Variants in MLXIP observed in about 807,000 individuals in gnomAD.
MLXIP encodes the protein MLX-interacting protein.
In MLXIP, 30 loss-of-function variants were observed where a neutral mutation model predicts 87.2. The observed-to-expected ratio is 0.34, with a 90% CI of 0.26 to 0.47. The LOEUF (loss-of-function observed/expected upper bound fraction) is 0.47, where lower values mean the gene tolerates loss of function less well. Ranked by LOEUF, MLXIP falls within the 20% of genes least tolerant of loss-of-function variation. MLXIP has a pLI of 1.00. For synonymous variants in MLXIP, 530 were observed against 514.0 expected, an observed-to-expected ratio of 1.03 and a Z score of -0.42; for missense variants, 1,002 against 1,240.1, an observed-to-expected ratio of 0.81 and a Z score of 2.88.
At position 122,133,459 on chromosome 12, in the gene MLXIP, A is replaced by G. The variant is rs547345555; in HGVS notation, c.1204A>G (p.Thr402Ala). The G allele has an allele frequency of 6.2e-7, 1 of 1,610,964 alleles. No individual in the cohort carries two copies. The highest frequency in any genetic ancestry group is 8.5e-7 in the Non-Finnish European group (1 of 1,179,230). The change falls in exon 9 of 17, where the codon ACC becomes GCC. Residue 402 changes from threonine (T) to alanine (A), a missense_variant. Thr to Ala is a moderately conservative substitution (Grantham distance 58, BLOSUM62 0). This residue lies in a region of MLXIP where 746 missense variants were observed against 897.0 expected (regional missense o/e 0.83). Coordinates refer to ENST00000319080, the MANE Select transcript of MLXIP (RefSeq NM_014938.6). The surrounding 1 kb of genome is among the most constrained non-coding windows in gnomAD (Gnocchi z 4.9). The part of the protein sequence containing the change: ...AHMDEQGCEH[T>A]SRTEDPFIQP... ...CATGGATGAGCAGGGCTGTGAACACACCTCCCGGACTGAGGACCCGTTTAT... is the reference window on the plus strand; with the variant it reads ...CATGGATGAGCAGGGCTGTGAACACGCCTCCCGGACTGAGGACCCGTTTAT...
At chr12:122,129,549 G>A in intron 4 of MLXIP, 39 bp from the exon 5 acceptor site, 1 of 1,610,814 alleles carries the variant, frequency 6.2e-7, no homozygotes, top group Non-Finnish European at 8.5e-7. Flanking sequence ...CCCTCCTAGG[G>A]CCATTGGTGA....
chr12:122,097,185 G>C (rs1392074950), intron 1 of MLXIP, among the ~76,000 whole-genome samples: 1 of 151,866 alleles, frequency 6.6e-6, no homozygotes, highest in African/African-American at 2.4e-5. Flanking sequence ...TTTTTTGGGC[G>C]GACAGGGTCT....
rs1314257576 is a variant in MLXIP, at chr12:122,130,104, G to A, written c.902G>A (p.Arg301Gln). Reference sequence around the variant, plus strand: ...CAGCCGGTGGCCTGGCCCAATCCCCGGGAAATAGGTAACCCAAACCAGGGC... The same window carrying A: ...CAGCCGGTGGCCTGGCCCAATCCCCAGGAAATAGGTAACCCAAACCAGGGC... Reference protein sequence around the residue: ...SHQPVAWPNPREIAHLGNADM... With the variant: ...SHQPVAWPNPQEIAHLGNADM... The change falls in exon 6 of 17, where the codon CGG becomes CAG. Residue 301 changes from arginine (R) to glutamine (Q), a missense_variant. Around this residue, in one of 3 missense-constraint regions of MLXIP, gnomAD observed 746 missense variants for 897.0 expected, o/e 0.83. Transcript: ENST00000319080. 3.1e-6 allele frequency: 5 copies of A among 1,613,248 alleles called. No individual in the cohort carries two copies. Among genetic ancestry groups the A allele is most frequent in the Non-Finnish European group, 4.2e-6 (5 of 1,179,604 alleles).
chr12:122,128,063 C>G, intron 3 of MLXIP, 95 bp downstream of exon 3: 1 of 1,117,834 alleles, frequency 8.9e-7, no homozygotes, highest in Non-Finnish European at 1.3e-6. Flanking sequence ...GGAGAGGCTG[C>G]CGAGGGTAGT....
At chr12:122,094,039 CTGTG>C (rs1225859522) in intron 1 of MLXIP, among the ~76,000 whole-genome samples, 12 of 116,518 alleles carry the variant, frequency 1.0e-4, no homozygotes, top group East Asian at 2.9e-4. Context: ...TTTGCGCTAT[CTGTG>C]TGGTGTGTGT....
chr12:122,089,678 T>C (rs1463732307), intron 1 of MLXIP, among the ~76,000 whole-genome samples: 1 of 152,218 alleles, frequency 6.6e-6, no homozygotes, highest in Non-Finnish European at 1.5e-5. Context: ...GGACATTCCA[T>C]CACCTCAGTA....
At chr12:122,131,435 T>G (rs1254155887) in intron 7 of MLXIP, among the ~76,000 whole-genome samples, 1 of 147,846 alleles carries the variant, frequency 6.8e-6, no homozygotes, top group Non-Finnish European at 1.5e-5. Context: ...CTTGATTTGT[T>G]TGAGTCTTTT....
intron 1 of MLXIP, among the ~76,000 whole-genome samples, chr12:122,096,110 C>T (rs1470860611): frequency 6.6e-6 from 1 of 151,958 alleles, no homozygotes; most frequent in Non-Finnish European, 1.5e-5. Flanking sequence ...ATAGGTCTCA[C>T]TTTGTTGCCT....
At chr12:122,136,627 TCAAA>T (rs1312105462) in intron 11 of MLXIP, 3 of 152,122 alleles carry the variant, frequency 2.0e-5, no homozygotes, top group Non-Finnish European at 2.9e-5. Context: ...AGACTCAATC[TCAAA>T]CAAACAAAGG....
intron 1 of MLXIP, among the ~76,000 whole-genome samples, chr12:122,115,414 C>T (rs1565973535): frequency 6.6e-6 from 1 of 151,324 alleles, no homozygotes. Flanking sequence ...ATGGTGAAAC[C>T]CCGTCTCTAC....
At chr12:122,132,648 C>A in intron 8 of MLXIP, 1 of 429,540 alleles carries the variant, frequency 2.3e-6, no homozygotes, top group South Asian at 4.6e-5. Context: ...AGCTCTGCTC[C>A]GACTAATTAA....
At chr12:122,097,373 C>G (rs1415228752) in intron 1 of MLXIP, among the ~76,000 whole-genome samples, 1 of 152,148 alleles carries the variant, frequency 6.6e-6, no homozygotes, top group East Asian at 1.9e-4. Context: ...GTAATCACAG[C>G]ACTTTGGGAG....
At chr12:122,122,274 T>G (rs1423754440) in intron 1 of MLXIP, among the ~76,000 whole-genome samples, 1 of 151,976 alleles carries the variant, frequency 6.6e-6, no homozygotes, top group African/African-American at 2.4e-5. Flanking sequence ...GGAGCAGAAG[T>G]CCCCCCAGTC....
At chr12:122,120,371 T>C (rs2135956781) in intron 1 of MLXIP, among the ~76,000 whole-genome samples, 1 of 152,152 alleles carries the variant, frequency 6.6e-6, no homozygotes, top group African/African-American at 2.4e-5. Context: ...CACAGGCACA[T>C]GCCACCAAGC....
intron 1 of MLXIP, among the ~76,000 whole-genome samples, chr12:122,088,661 T>C (rs1952203106): frequency 6.6e-6 from 1 of 152,126 alleles, no homozygotes; most frequent in Non-Finnish European, 1.5e-5. Context: ...AAGCAGCTTC[T>C]CTGTTGAGGA....
rs753227827 is a variant in MLXIP at position 122,138,869 on chromosome 12, T to G, written c.2439T>G (p.Phe813Leu). Residue 813 changes from phenylalanine (F) to leucine (L), a missense_variant, in exon 15 of 17, where the codon TTT becomes TTG. By Grantham distance (22) the Phe-to-Leu change is conservative. Coordinates refer to ENST00000319080, the MANE Select transcript of MLXIP (RefSeq NM_014938.6). ...GAGTCCCCGTTACCCGGCGCCAGTT[T>G]GATCACATGAAAGACATGTTTGACG... ...ATGVPVTRRQ[F>L]DHMKDMFDEY... 1.2e-6 allele frequency: 2 copies of G among 1,614,064 alleles called. No homozygotes were observed. The highest frequency in any genetic ancestry group is 1.3e-5 in the African/African-American group (1 of 75,070).
rs971468111 is a variant in MLXIP, at chr12:122,078,919, C to G, written c.66C>G (p.Leu22=). The change falls in exon 1 of 17, where the codon CTC becomes CTG. Residue 22 remains leucine, a synonymous_variant. Coordinates refer to ENST00000319080, the MANE Select transcript of MLXIP (RefSeq NM_014938.6). ...GCAGCCGGGGCCGCCAGGTGCTGCT[C>G]AAGCCCCAGGTGTCCGAGGACGACG... is the stretch of plus-strand genomic sequence containing the variant. The part of the protein sequence containing the change: ...RPRSRGRQVL[L]KPQVSEDDDD... 1.8e-6 allele frequency: 2 copies of G among 1,141,568 alleles called. No individual in the cohort carries two copies. Among genetic ancestry groups the G allele is most frequent in the African/African-American group, 1.7e-5 (1 of 59,614 alleles). 70.7% of individuals were successfully genotyped at this position (1,141,568 alleles called of 1,614,324 possible). A position where few individuals can be genotyped will look rare whatever the true frequency, so the allele number is the denominator to read the frequency against.
chr12:122,110,058 G>A (rs373619439), intron 1 of MLXIP, among the ~76,000 whole-genome samples: 74 of 152,206 alleles, frequency 4.9e-4, no homozygotes, highest in African/African-American at 1.8e-3. Flanking sequence ...TCTCTTTCTG[G>A]GGAGGGATAC....
intron 1 of MLXIP, among the ~76,000 whole-genome samples, chr12:122,121,009 G>GTTTTTTT (rs776332981): frequency 0.44 from 43,528 of 99,434 alleles, 10,082 homozygotes; most frequent in Middle Eastern, 0.61. Context: ...CTGCATGCTT[G>GTTTTTTT]GTTTTTTTTT....
Sources: gnomAD v4.1 joint callset for allele counts (sites outside exome capture counted in the v4.1 genomes callset) on GRCh38, gnomAD v4.1.1 for gene constraint, gnomAD v4.1.1 regional missense constraint, Gnocchi (gnomAD v3.1) non-coding constraint, MANE v1.5 for transcripts, NCBI Gene and HGNC (gene_info 2026-07-23, HGNC 2026-07-21) for gene names.